NRXN3: variants seen among roughly 807,000 people sequenced by gnomAD.
NRXN3 encodes neurexin III.
A neutral mutation model predicts 137.6 loss-of-function variants in NRXN3; 32 were observed. That is an observed-to-expected ratio of 0.23 (90% confidence interval 0.18 to 0.31). The LOEUF is 0.31. Among genes scored for constraint, NRXN3 ranks in the 10% least tolerant of loss-of-function variants. The probability of loss-of-function intolerance (pLI) is 1.00; values close to 1 mark genes in which losing one functional copy is unlikely to be tolerated. For synonymous variants in NRXN3, 798 were observed against 784.5 expected, an observed-to-expected ratio of 1.02 and a Z score of -0.29; for missense variants, 1,574 against 2,062.5, an observed-to-expected ratio of 0.76 and a Z score of 4.59.
chr14:78,554,271 G>T (rs369625486), intron 4 of NRXN3, among the ~76,000 whole-genome samples: 1 of 152,136 alleles, frequency 6.6e-6, no homozygotes, highest in Non-Finnish European at 1.5e-5. Context: ...TCAGCTTGGC[G>T]GTCACGACCA....
In NRXN3 at chr14:78,181,174, T is replaced by C. The variant is rs1595655635; in HGVS notation, c.-704+10500T>C. On this transcript the variant is annotated intron_variant, in intron 1 of 20. Transcript: ENST00000335750. ...GCAATGTTTATAGTGTATTGATCAG[T>C]TTTTTTCTCATTAGAATAACAGCTT... Among the ~76,000 whole-genome samples, 4 of 152,190 alleles carry C rather than the reference T, an allele frequency of 2.6e-5. No individual in the cohort carries two copies. The East Asian group carries it at 7.7e-4, about 29-fold the overall frequency.
At chr14:79,244,465 A>G (rs1277005215) in intron 15 of NRXN3, among the ~76,000 whole-genome samples, 1 of 152,142 alleles carries the variant, frequency 6.6e-6, no homozygotes. Context: ...CGTGAACGTT[A>G]TTTATCTTGA....
At chr14:79,316,259 A>G (rs1598623513) in intron 15 of NRXN3, among the ~76,000 whole-genome samples, 1 of 152,350 alleles carries the variant, frequency 6.6e-6, no homozygotes, top group Middle Eastern at 3.4e-3. Flanking sequence ...TGTTGACTCA[A>G]AATGAACATT....
At chr14:78,765,410 C>T (rs751559284) in intron 8 of NRXN3, among the ~76,000 whole-genome samples, 54 of 152,214 alleles carry the variant, frequency 3.5e-4, no homozygotes, top group Non-Finnish European at 6.2e-4. Flanking sequence ...GCCTCGGCCT[C>T]CCAAAGTGCT....
At chr14:78,944,046 G>T (rs1257733422) in intron 10 of NRXN3, among the ~76,000 whole-genome samples, 1 of 152,078 alleles carries the variant, frequency 6.6e-6, no homozygotes, top group African/African-American at 2.4e-5. Flanking sequence ...GAGGGAAGTG[G>T]AGCTAACTGT....
intron 15 of NRXN3, among the ~76,000 whole-genome samples, chr14:79,251,332 C>A (rs2075895658): frequency 6.6e-6 from 1 of 151,962 alleles, no homozygotes; most frequent in African/African-American, 2.4e-5. Flanking sequence ...GAAACAGGGG[C>A]CGAGCTGAAT....
chr14:78,352,920 T>G (rs2083749235), intron 4 of NRXN3, among the ~76,000 whole-genome samples: 1 of 152,194 alleles, frequency 6.6e-6, no homozygotes, highest in Non-Finnish European at 1.5e-5. Context: ...GCATGCAATC[T>G]GCTCCTGTCA....
chr14:78,694,389 C>T lies in NRXN3; in HGVS notation c.1222-14828C>T, dbSNP rs922757957. On this transcript the variant is annotated intron_variant, in intron 6 of 20. Transcript: ENST00000335750. The stretch of plus-strand genomic sequence containing the variant: ...GACTCTTTTCTGCTTGTAGGCTCCA[C>T]GTTTCCTAGCATGGTCCTTTGTATA... 5.9e-5 allele frequency among the ~76,000 whole-genome samples: 9 copies of T among 151,980 alleles called. No individual in the cohort carries two copies. The East Asian group carries it at 1.4e-3, about 23-fold the overall frequency.
intron 15 of NRXN3, among the ~76,000 whole-genome samples, chr14:79,145,059 G>T (rs2059160928): frequency 6.6e-6 from 1 of 151,948 alleles, no homozygotes; most frequent in African/African-American, 2.4e-5. Context: ...TTCCTGTGTG[G>T]GAGACTCTTT....
At chr14:78,561,579 A>T (rs745845370) in intron 4 of NRXN3, among the ~76,000 whole-genome samples, 1 of 152,196 alleles carries the variant, frequency 6.6e-6, no homozygotes, top group Non-Finnish European at 1.5e-5. Context: ...AGGAACTAAG[A>T]TGGGAATCTT....
In NRXN3 at chr14:78,326,653, A is replaced by G. The variant is rs2080125891; in HGVS notation, c.757+28793A>G. The stretch of plus-strand genomic sequence containing the variant: ...AACTAGGACATCCAGGAGCAGAAGT[A>G]AGATGAAGCGTGGTGTTCACAGAGC... On this transcript the variant is annotated intron_variant, in intron 4 of 20. Coordinates refer to ENST00000335750, the MANE Select transcript of NRXN3 (RefSeq NM_001330195.2). Among the ~76,000 whole-genome samples, 4 of 152,218 alleles carry G rather than the reference A, an allele frequency of 2.6e-5. No individual in the cohort carries two copies. The South Asian group carries it at 8.3e-4, about 32-fold the overall frequency.
intron 14 of NRXN3, among the ~76,000 whole-genome samples, chr14:78,979,515 C>G (rs2099483166): frequency 6.6e-6 from 1 of 151,962 alleles, no homozygotes; most frequent in South Asian, 2.1e-4. Context: ...ACTGTTCACT[C>G]ATTTTTTTCC....
At chr14:79,608,331 A>G (rs1334747938) in intron 16 of NRXN3, among the ~76,000 whole-genome samples, 2 of 152,182 alleles carry the variant, frequency 1.3e-5, no homozygotes, top group African/African-American at 4.8e-5. Flanking sequence ...TAATGCTGTG[A>G]AATTTTGGGA....
intron 19 of NRXN3, among the ~76,000 whole-genome samples, chr14:79,718,116 A>G (rs1395963781): frequency 2.6e-5 from 4 of 152,198 alleles, no homozygotes; most frequent in Non-Finnish European, 5.9e-5. Context: ...GCGCAATGTC[A>G]CACAGAATGC....
At chr14:78,267,752 C>T (rs138577836) in intron 2 of NRXN3, among the ~76,000 whole-genome samples, 6 of 152,144 alleles carry the variant, frequency 3.9e-5, no homozygotes, top group Non-Finnish European at 8.8e-5. Context: ...GACTTTGAAG[C>T]GTTCTCTGTC....
At chr14:79,248,444 T>A (rs1355933578) in intron 15 of NRXN3, among the ~76,000 whole-genome samples, 2 of 152,180 alleles carry the variant, frequency 1.3e-5, no homozygotes, top group Non-Finnish European at 2.9e-5. Flanking sequence ...CAGACTATAC[T>A]TGTCTTTCTG....
chr14:79,624,751 AG>A (rs1427643485), intron 16 of NRXN3, among the ~76,000 whole-genome samples: 2 of 148,370 alleles, frequency 1.3e-5, no homozygotes, highest in Non-Finnish European at 3.0e-5. Flanking sequence ...GTGTCGACTT[AG>A]GAGTGAGATC....
rs183232563 is a variant in NRXN3, at chr14:79,526,042, C to A, written c.3444+58640C>A. Among the ~76,000 whole-genome samples, 54 of 152,170 alleles carry A rather than the reference C, an allele frequency of 3.5e-4. No individual in the cohort carries two copies. In the East Asian group the frequency reaches 9.5e-3, roughly 27 times the overall value. On this transcript the variant is annotated intron_variant, in intron 16 of 20. Coordinates refer to ENST00000335750, the MANE Select transcript of NRXN3 (RefSeq NM_001330195.2). ...GACCACAGGCACATGCCACCATACCCACCTAATTTTTTTTCTTTTTTTGAG... is the reference window on the plus strand; with the variant it reads ...GACCACAGGCACATGCCACCATACCAACCTAATTTTTTTTCTTTTTTTGAG...
intron 1 of NRXN3, among the ~76,000 whole-genome samples, chr14:78,224,391 C>A (rs1414909641): frequency 1.3e-5 from 2 of 151,994 alleles, no homozygotes; most frequent in Non-Finnish European, 2.9e-5. Context: ...CGTCATTTAG[C>A]ATTAGGTATA....
Sources: allele counts gnomAD v4.1 joint callset (sites outside exome capture counted in the v4.1 genomes callset), GRCh38; gene constraint gnomAD v4.1.1; transcripts MANE v1.5; gene names NCBI Gene and HGNC (gene_info 2026-07-23, HGNC 2026-07-21).